MLLT10: variants seen among roughly 807,000 people sequenced by gnomAD.
MLLT10 encodes protein AF-10.
Under a neutral mutation model 129.1 loss-of-function variants are expected in MLLT10, and 30 were observed. The observed-to-expected ratio is 0.23, with a 90% confidence interval of 0.17 to 0.32. The LOEUF is 0.32. MLLT10 is among the 10% of genes least tolerant of loss of function. The pLI is 1.00. For missense variants in MLLT10, 1,119 were observed against 1,268.3 expected (o/e 0.88, Z 1.79); for synonymous variants, 490 against 446.4 (o/e 1.10, Z -1.23).
chr10:21,740,014 A>G lies in MLLT10; in HGVS notation c.2956-16A>G, dbSNP rs1416372310. On this transcript the variant is annotated splice_polypyrimidine_tract_variant and intron_variant, in intron 21 of 22. Transcript: ENST00000307729. The stretch of plus-strand genomic sequence containing the variant: ...TGCTTGGGAACTCATTTTCTCTCAC[A>G]TGTTTTTTGCCTAAGGAACAACATC... The G allele has an allele frequency of 1.9e-6, 3 of 1,574,562 alleles. No individual in the cohort carries two copies. Among genetic ancestry groups the G allele is most frequent in the Non-Finnish European group, 2.6e-6 (3 of 1,156,586 alleles).
chr10:21,692,645 A>AT (rs112151449), intron 13 of MLLT10, among the ~76,000 whole-genome samples: 120 of 144,154 alleles, frequency 8.3e-4, no homozygotes, highest in South Asian at 8.9e-4. Context: ...ACACCCAGTA[A>AT]TTTTTTTTTT....
intron 3 of MLLT10, among the ~76,000 whole-genome samples, chr10:21,555,395 G>C (rs1001775040): frequency 6.7e-6 from 1 of 149,334 alleles, no homozygotes; most frequent in Non-Finnish European, 1.5e-5. Flanking sequence ...GCTAATTTTT[G>C]TATTTTTAGT....
chr10:21,683,942 G>T (rs1245330391), intron 13 of MLLT10, among the ~76,000 whole-genome samples: 1 of 151,746 alleles, frequency 6.6e-6, no homozygotes, highest in Non-Finnish European at 1.5e-5. Context: ...TTGGATTATT[G>T]ATTGGAATCT....
intron 5 of MLLT10, among the ~76,000 whole-genome samples, chr10:21,598,144 A>G (rs2043187774): frequency 6.6e-6 from 1 of 152,214 alleles, no homozygotes; most frequent in African/African-American, 2.4e-5. Flanking sequence ...ATCAGTTGAC[A>G]TTCCACTGTA....
At chr10:21,720,638 A>G (rs1413414486) in intron 14 of MLLT10, among the ~76,000 whole-genome samples, 2 of 152,238 alleles carry the variant, frequency 1.3e-5, no homozygotes, top group Non-Finnish European at 2.9e-5. Context: ...TATCAAATAC[A>G]TAGTTTAAAA....
At chr10:21,717,623 C>T (rs972864500) in intron 14 of MLLT10, among the ~76,000 whole-genome samples, 11 of 125,134 alleles carry the variant, frequency 8.8e-5, no homozygotes, top group African/African-American at 3.2e-4. Flanking sequence ...CCTCCTCTTC[C>T]TCCTCCTCCT....
At position 21,673,803 on chromosome 10, in the gene MLLT10, C is replaced by A; in HGVS notation, c.1505C>A (p.Ser502Ter). 3 of 1,614,172 alleles carry A rather than the reference C, an allele frequency of 1.9e-6. No individual in the cohort carries two copies. Among genetic ancestry groups the A allele is most frequent in the Non-Finnish European group, 2.5e-6 (3 of 1,180,018 alleles). Reference protein sequence around the residue: ...HLSVSSASPTSSVASAAGSIT... With the variant: ...HLSVSSASPT Reference sequence around the variant, plus strand: ...TCAGTTTCTTCTGCTTCACCAACATCATCTGTAGCATCAGCTGCAGGAAGC... The same window carrying A: ...TCAGTTTCTTCTGCTTCACCAACATAATCTGTAGCATCAGCTGCAGGAAGC... Residue 502 changes from serine (S) to a stop codon, truncating the protein, a stop_gained, in exon 11 of 23, where the codon TCA (serine) becomes TAA (stop). Transcript: ENST00000307729. LOFTEE classifies it high-confidence loss of function.
chr10:21,724,087 T>C (rs1223718372), intron 14 of MLLT10, among the ~76,000 whole-genome samples: 2 of 152,222 alleles, frequency 1.3e-5, no homozygotes, highest in Admixed American at 1.3e-4. Flanking sequence ...GTTGAAGTTA[T>C]AACTTACCTT....
At chr10:21,535,599 G>A (rs1165508379) in intron 2 of MLLT10, among the ~76,000 whole-genome samples, 1 of 152,226 alleles carries the variant, frequency 6.6e-6, no homozygotes, top group Non-Finnish European at 1.5e-5. Context: ...ATACAAGAAG[G>A]CCGAGGACAC....
chr10:21,715,256 T>C (rs1237272905), intron 14 of MLLT10, among the ~76,000 whole-genome samples: 1 of 152,206 alleles, frequency 6.6e-6, no homozygotes, highest in African/African-American at 2.4e-5. Context: ...CTATTAAAAT[T>C]ACGTATTAGA....
rs60982595 is a variant in MLLT10, at chr10:21,704,016, G to GTTTTTTTTTTT, written c.1700-9743_1700-9733dup. Among the ~76,000 whole-genome samples, 175 of 56,610 alleles carry GTTTTTTTTTTT rather than the reference G, an allele frequency of 3.1e-3. 7 individuals are homozygous for GTTTTTTTTTTT. The highest frequency in any genetic ancestry group is 3.6e-3 in the Non-Finnish European group (122 of 33,488). 37.1% of individuals were successfully genotyped at this position (56,610 alleles called of 152,430 possible). On this transcript the variant is annotated intron_variant, in intron 13 of 22. Transcript: ENST00000307729. The stretch of plus-strand genomic sequence containing the variant: ...ACATTTTGGATTTCGATTGTTTTTT[G>GTTTTTTTTTTT]TTTTTTTTTTTTTTTTTTTTTTTGA...
At chr10:21,657,483 A>AT (rs2049729211) in intron 9 of MLLT10, among the ~76,000 whole-genome samples, 1 of 152,072 alleles carries the variant, frequency 6.6e-6, no homozygotes, top group South Asian at 2.1e-4. Context: ...TGGTAAAGAA[A>AT]TTCGTAGATG....
intron 8 of MLLT10, among the ~76,000 whole-genome samples, chr10:21,627,333 TTACAG>T (rs1449717369): frequency 2.6e-5 from 4 of 152,152 alleles, no homozygotes; most frequent in Non-Finnish European, 5.9e-5. Flanking sequence ...TCCTAAACAA[TTACAG>T]TACAGTGATC....
At chr10:21,648,575 G>A (rs1053267976) in intron 8 of MLLT10, among the ~76,000 whole-genome samples, 1 of 152,164 alleles carries the variant, frequency 6.6e-6, no homozygotes, top group Non-Finnish European at 1.5e-5. Context: ...AGGATAGAAA[G>A]GCTTCTTAAT....
intron 8 of MLLT10, among the ~76,000 whole-genome samples, chr10:21,631,540 A>G (rs774365931): frequency 2.0e-5 from 3 of 151,890 alleles, no homozygotes; most frequent in Non-Finnish European, 4.4e-5. Flanking sequence ...AAGAAAAGAG[A>G]TTTAGTTGAC....
chr10:21,651,376 G>C, intron 8 of MLLT10, among the ~76,000 whole-genome samples: 1 of 151,990 alleles, frequency 6.6e-6, no homozygotes, highest in Admixed American at 6.6e-5. Flanking sequence ...GGCCGTATTT[G>C]GTGTTTTTAA....
intron 16 of MLLT10, among the ~76,000 whole-genome samples, chr10:21,729,542 A>C (rs1211147321): frequency 6.6e-6 from 1 of 152,236 alleles, no homozygotes; most frequent in Non-Finnish European, 1.5e-5. Context: ...TTTGTTTAAC[A>C]TCTTACGAAA....
intron 21 of MLLT10, chr10:21,738,334 C>A: frequency 2.6e-6 from 3 of 1,139,320 alleles, no homozygotes; most frequent in Admixed American, 2.8e-5. Context: ...GTTGCCTCAT[C>A]TTAATATGAG....
intron 9 of MLLT10, among the ~76,000 whole-genome samples, chr10:21,668,310 CT>C (rs1386609264): frequency 3.3e-5 from 5 of 152,084 alleles, no homozygotes; most frequent in Non-Finnish European, 7.4e-5. Context: ...TTCTGGTCTC[CT>C]TTTACCTGTC....
Sources: gnomAD v4.1 joint callset for allele counts (sites outside exome capture counted in the v4.1 genomes callset) on GRCh38, gnomAD v4.1.1 for gene constraint, MANE v1.5 for transcripts, NCBI Gene and HGNC (gene_info 2026-07-23, HGNC 2026-07-21) for gene names.